Variants in PAK3 observed in about 807,000 individuals in gnomAD.
PAK3 encodes the protein p21 (RAC1) activated kinase 3.
PAK3 carries 4 observed loss-of-function variants against 41.0 expected under a neutral mutation model. The ratio of observed to expected loss-of-function variants is 0.10; its 90% CI spans 0.05 to 0.22. The LOEUF (loss-of-function observed/expected upper bound fraction) is 0.22, where lower values mean the gene tolerates loss of function less well. Ranked by LOEUF, PAK3 falls within the 10% of genes least tolerant of loss-of-function variation. PAK3 has a pLI of 1.00. For missense variants in PAK3, 205 were observed against 409.9 expected (o/e 0.50, Z 4.32); for synonymous variants, 146 against 139.6 (o/e 1.05, Z -0.32).
intron 1 of PAK3, among the ~76,000 whole-genome samples, chrX:111,044,575 A>C (rs754673218): frequency 8.9e-6 from 1 of 111,856 alleles, no homozygotes; most frequent in South Asian, 3.8e-4. Flanking sequence ...GTGGGGCCTG[A>C]TCAACAGCAA....
At chrX:111,167,103 T>C (rs917322009) in intron 10 of PAK3, among the ~76,000 whole-genome samples, 2 of 111,891 alleles carry the variant, frequency 1.8e-5, no homozygotes, top group East Asian at 2.8e-4. Context: ...GTTATTATGC[T>C]ATTTTTACAG....
chrX:111,086,061 T>TTGTG (rs754802946), intron 1 of PAK3, among the ~76,000 whole-genome samples: 4,386 of 81,625 alleles, frequency 0.054, 127 homozygotes, highest in African/African-American at 0.094. Context: ...TGATGTCAGC[T>TTGTG]TGTGTGTGTG....
intron 1 of PAK3, among the ~76,000 whole-genome samples, chrX:111,030,249 A>G (rs1207677303): frequency 1.8e-5 from 2 of 110,995 alleles, no homozygotes; most frequent in South Asian, 3.9e-4. Context: ...AACATGGTTC[A>G]TCTCCGAGTT....
At chrX:111,001,623 C>T (rs73264367) in intron 1 of PAK3, among the ~76,000 whole-genome samples, 3,258 of 111,970 alleles carry the variant, frequency 0.029, 40 homozygotes, top group Middle Eastern at 0.056. Context: ...ATCAAAAATT[C>T]TCGACTTATT....
intron 1 of PAK3, among the ~76,000 whole-genome samples, chrX:111,001,884 G>C (rs928517150): frequency 3.6e-5 from 4 of 109,815 alleles, no homozygotes; most frequent in Admixed American, 2.9e-4. Flanking sequence ...CTTGGTGACA[G>C]CAATGTTGTT....
intron 16 of PAK3, among the ~76,000 whole-genome samples, chrX:111,200,853 A>G (rs2094674914): frequency 8.9e-6 from 1 of 112,478 alleles, no homozygotes; most frequent in South Asian, 3.7e-4. Context: ...ACCTTCTTCA[A>G]TTCCCCAATT....
chrX:111,158,604 T>C, intron 8 of PAK3, among the ~76,000 whole-genome samples: 1 of 112,029 alleles, frequency 8.9e-6, no homozygotes, highest in African/African-American at 3.2e-5. Flanking sequence ...AAACATACTA[T>C]CCACTCAATG....
chrX:111,044,199 C>G (rs1035613158), intron 1 of PAK3, among the ~76,000 whole-genome samples: 1 of 111,983 alleles, frequency 8.9e-6, no homozygotes, highest in Admixed American at 9.5e-5. Flanking sequence ...CATGAAGTTA[C>G]TTGCCCAGAG....
intron 1 of PAK3, among the ~76,000 whole-genome samples, chrX:110,952,557 A>G (rs1484021594): frequency 9.1e-6 from 1 of 110,231 alleles, no homozygotes; most frequent in East Asian, 2.8e-4. Context: ...GATATGTTTA[A>G]TAATGCCCTT....
chrX:110,965,006 G>A (rs995704640), intron 1 of PAK3, among the ~76,000 whole-genome samples: 1 of 111,994 alleles, frequency 8.9e-6, no homozygotes, highest in Non-Finnish European at 1.9e-5. Flanking sequence ...TGCTTTACCA[G>A]TGCCAGACCC....
chrX:111,094,386 T>G (rs929977779), upstream of PAK3, among the ~76,000 whole-genome samples: 18 of 111,752 alleles, frequency 1.6e-4, no homozygotes, highest in Non-Finnish European at 5.6e-5. Context: ...TGGACTCATT[T>G]CGATACAAAT....
chrX:110,949,327 C>G (rs918263973), intron 1 of PAK3, among the ~76,000 whole-genome samples: 4 of 111,641 alleles, frequency 3.6e-5, no homozygotes, highest in Non-Finnish European at 7.5e-5. Context: ...CCAAGCCAAG[C>G]ACCCAGTTGG....
intron 4 of PAK3, among the ~76,000 whole-genome samples, chrX:111,119,437 G>A (rs771967142): frequency 8.9e-6 from 1 of 112,102 alleles, no homozygotes; most frequent in South Asian, 3.7e-4. Context: ...TATCTAATGT[G>A]CTACTCACAA....
intron 5 of PAK3, among the ~76,000 whole-genome samples, chrX:111,124,340 A>G (rs1379222370): frequency 2.7e-5 from 3 of 112,317 alleles, no homozygotes; most frequent in Non-Finnish European, 5.6e-5. Flanking sequence ...ATTTGTGACT[A>G]TGCAAGAGGA....
intron 3 of PAK3, among the ~76,000 whole-genome samples, chrX:111,099,755 ACCC>A (rs2093089781): frequency 3.2e-5 from 3 of 94,525 alleles, no homozygotes; most frequent in African/African-American, 1.2e-4. Flanking sequence ...ACAGTCTGGG[ACCC>A]CTGTTGTGTT....
intron 1 of PAK3, among the ~76,000 whole-genome samples, chrX:111,031,759 G>A (rs766355100): frequency 1.5e-4 from 17 of 111,475 alleles, no homozygotes; most frequent in African/African-American, 3.6e-4. Context: ...AGGGACCCAT[G>A]GATGGAATTC....
rs775236621 is a variant in PAK3 at position 111,185,471 on chromosome X, G to A, written c.831-6656G>A. ...TGTTTTAATCATGAAGTCTTTGCCCGTGTCTATCTCCTGAATGGTATTGCC... is the reference window on the plus strand; with the variant it reads ...TGTTTTAATCATGAAGTCTTTGCCCATGTCTATCTCCTGAATGGTATTGCC... On this transcript the variant is annotated intron_variant, in intron 11 of 17. Coordinates refer to ENST00000372007, the MANE Select transcript of PAK3 (RefSeq NM_002578.5). 2.8e-4 allele frequency among the ~76,000 whole-genome samples: 31 copies of A among 111,199 alleles called. No homozygotes were observed. In the South Asian group the frequency reaches 4.9e-3, roughly 18 times the overall value.
intron 1 of PAK3, among the ~76,000 whole-genome samples, chrX:111,004,395 G>T (rs1255782232): frequency 2.7e-5 from 3 of 111,996 alleles, no homozygotes; most frequent in Non-Finnish European, 5.6e-5. Flanking sequence ...GTGTATGTCT[G>T]AACTATACTG....
At chrX:111,002,737 C>T (rs1210893090) in intron 1 of PAK3, among the ~76,000 whole-genome samples, 2 of 111,640 alleles carry the variant, frequency 1.8e-5, no homozygotes, top group Non-Finnish European at 3.8e-5. Context: ...CAAGGTCACA[C>T]GGTTCTCTAG....
Sources: allele counts gnomAD v4.1 joint callset (sites outside exome capture counted in the v4.1 genomes callset), GRCh38; gene constraint gnomAD v4.1.1; transcripts MANE v1.5; gene names NCBI Gene and HGNC (gene_info 2026-07-23, HGNC 2026-07-21).